The following PDE4B variants were observed in gnomAD, a reference collection of about 807,000 sequenced individuals.
The protein encoded by PDE4B is 3',5'-cyclic-AMP phosphodiesterase 4B.
PDE4B carries 20 observed loss-of-function variants against 82.2 expected under a neutral mutation model. The ratio of observed to expected loss-of-function variants is 0.24; its 90% confidence interval spans 0.17 to 0.35. PDE4B has a LOEUF of 0.35. Ranked by LOEUF, PDE4B falls within the 10% of genes least tolerant of loss-of-function variation. The pLI, the probability that PDE4B is intolerant of heterozygous loss-of-function variation, is 1.00. For synonymous variants in PDE4B, 320 were observed against 318.9 expected, an observed-to-expected ratio of 1.00 and a Z score of -0.04; for missense variants, 655 against 907.2, an observed-to-expected ratio of 0.72 and a Z score of 3.57.
intron 3 of PDE4B, among the ~76,000 whole-genome samples, chr1:66,051,054 T>C (rs1177254814): frequency 6.6e-6 from 1 of 152,170 alleles, no homozygotes; most frequent in Non-Finnish European, 1.5e-5. Flanking sequence ...TGATGACTTT[T>C]CTGTTTTTAA....
chr1:65,918,821 T>C lies in PDE4B; in HGVS notation c.267T>C (p.Thr89=). 1 of 1,607,344 alleles carries C rather than the reference T, an allele frequency of 6.2e-7. No individual in the cohort carries two copies. The highest frequency in any genetic ancestry group is 8.5e-7 in the Non-Finnish European group (1 of 1,173,790). ...LTTLPSIAIT[T]VSQECFDVEN... ...CGCTTCCAAGCATTGCTATTACAAC[T>C]GTAAGCCAGGAGTGGTGAGTAGCCT... is the stretch of plus-strand genomic sequence containing the variant. Residue 89 remains threonine (T), a synonymous_variant, in exon 3 of 17, where the codon ACT becomes ACC. Transcript: ENST00000341517.
At chr1:66,187,102 G>T (rs1647256320) in intron 3 of PDE4B, among the ~76,000 whole-genome samples, 1 of 152,096 alleles carries the variant, frequency 6.6e-6, no homozygotes, top group Non-Finnish European at 1.5e-5. Context: ...ATGTAGTTTT[G>T]GTCGTTGGTT....
At chr1:66,239,881 A>G (rs1178020633) in intron 3 of PDE4B, among the ~76,000 whole-genome samples, 1 of 152,278 alleles carries the variant, frequency 6.6e-6, no homozygotes, top group Non-Finnish European at 1.5e-5. Flanking sequence ...AATAAGTAAA[A>G]TAATTTGCAA....
At chr1:66,036,532 G>GTA (rs1413402700) in intron 3 of PDE4B, among the ~76,000 whole-genome samples, 1 of 152,116 alleles carries the variant, frequency 6.6e-6, no homozygotes, top group Admixed American at 6.6e-5. Context: ...TGGTTCTTCT[G>GTA]TATGTGGACT....
intron 3 of PDE4B, among the ~76,000 whole-genome samples, chr1:66,201,665 G>T (rs188384347): frequency 5.4e-5 from 8 of 147,722 alleles, no homozygotes; most frequent in Non-Finnish European, 1.2e-4. Context: ...GATGGTAGTT[G>T]GTATTTCTGT....
At chr1:65,876,297 A>G (rs939865354) in intron 1 of PDE4B, among the ~76,000 whole-genome samples, 41 of 152,138 alleles carry the variant, frequency 2.7e-4, no homozygotes, top group Admixed American at 2.6e-3. Context: ...CAGAAATTCA[A>G]TGAACTGAAA....
At chr1:65,972,922 T>C (rs2503208) in intron 3 of PDE4B, among the ~76,000 whole-genome samples, 149,303 of 152,268 alleles carry the variant, frequency 0.98, 73,259 homozygotes, top group Middle Eastern at 1. Context: ...AAATTGTTGC[T>C]AAAGAAAATT....
intron 1 of PDE4B, among the ~76,000 whole-genome samples, chr1:65,907,342 T>G (rs1158543547): frequency 1.3e-5 from 2 of 151,932 alleles, no homozygotes; most frequent in African/African-American, 4.8e-5. Flanking sequence ...TTAGAGTTGT[T>G]TTTTATAGTT....
At chr1:65,834,993 C>T (rs1162319308) in intron 1 of PDE4B, among the ~76,000 whole-genome samples, 2 of 152,178 alleles carry the variant, frequency 1.3e-5, no homozygotes, top group African/African-American at 2.4e-5. Context: ...TAGCTCTCAA[C>T]GCCTCTGGAA....
At chr1:66,032,531 G>A (rs1425837331) in intron 3 of PDE4B, among the ~76,000 whole-genome samples, 1 of 152,110 alleles carries the variant, frequency 6.6e-6, no homozygotes, top group African/African-American at 2.4e-5. Flanking sequence ...GTATGTGCAC[G>A]TAAAATAGTT....
chr1:65,820,200 T>C (rs1009596425), intron 1 of PDE4B, among the ~76,000 whole-genome samples: 2 of 152,204 alleles, frequency 1.3e-5, no homozygotes, highest in Non-Finnish European at 2.9e-5. Flanking sequence ...CTCTTTGCAA[T>C]TGAAATATTC....
At chr1:65,854,096 A>G (rs192327082) in intron 1 of PDE4B, among the ~76,000 whole-genome samples, 1 of 152,126 alleles carries the variant, frequency 6.6e-6, no homozygotes, top group Admixed American at 6.6e-5. Flanking sequence ...TTTACCTTCA[A>G]ATAACATTAT....
chr1:66,151,343 A>G (rs1327235964), intron 3 of PDE4B, among the ~76,000 whole-genome samples: 1 of 152,142 alleles, frequency 6.6e-6, no homozygotes, highest in Non-Finnish European at 1.5e-5. Context: ...GGCTCTTCCT[A>G]ATGTGGAACT....
intron 8 of PDE4B, among the ~76,000 whole-genome samples, chr1:66,348,440 A>G (rs1661572003): frequency 6.6e-6 from 1 of 152,146 alleles, no homozygotes; most frequent in Admixed American, 6.5e-5. Flanking sequence ...ATTAAAAGGG[A>G]AGGATCAAGT....
At chr1:66,185,893 G>C (rs1647191270) in intron 3 of PDE4B, among the ~76,000 whole-genome samples, 1 of 152,146 alleles carries the variant, frequency 6.6e-6, no homozygotes, top group South Asian at 2.1e-4. Flanking sequence ...TGGTGTTTTA[G>C]ATATGAAGTC....
intron 3 of PDE4B, among the ~76,000 whole-genome samples, chr1:66,238,116 G>A (rs962385907): frequency 3.2e-4 from 49 of 151,798 alleles, no homozygotes; most frequent in African/African-American, 1.2e-3. Context: ...GAGTAGAGGA[G>A]AAAACAAACA....
chr1:66,026,861 G>A (rs1039404168), intron 3 of PDE4B, among the ~76,000 whole-genome samples: 1 of 152,226 alleles, frequency 6.6e-6, no homozygotes, highest in Non-Finnish European at 1.5e-5. Flanking sequence ...ATGGCGTCCT[G>A]AGGGAGGGTG....
Position 66,092,286 on chromosome 1 carries a change from A to G in PDE4B, c.282-155174A>G, listed in dbSNP as rs1645040628. On this transcript the variant is annotated intron_variant, in intron 3 of 16. Coordinates refer to ENST00000341517, the MANE Select transcript of PDE4B (RefSeq NM_002600.4). ...CTGAACTGACATACTGGATAGTAGA[A>G]CTAATTTTACCATAGTTTAATTGAT... 2.0e-5 allele frequency among the ~76,000 whole-genome samples: 3 copies of G among 152,068 alleles called. No homozygotes were observed. In the South Asian group the frequency reaches 6.2e-4, roughly 31 times the overall value.
intron 8 of PDE4B, among the ~76,000 whole-genome samples, chr1:66,334,340 G>A (rs980178762): frequency 2.0e-5 from 3 of 152,170 alleles, no homozygotes; most frequent in African/African-American, 7.2e-5. Flanking sequence ...TCAATATGCT[G>A]TAGTATTCTA....
Sources: allele counts gnomAD v4.1 joint callset (sites outside exome capture counted in the v4.1 genomes callset), GRCh38; gene constraint gnomAD v4.1.1; transcripts MANE v1.5; gene names NCBI Gene and HGNC (gene_info 2026-07-23, HGNC 2026-07-21).